The following TET1 variants were observed in gnomAD, a reference collection of about 807,000 sequenced individuals.
The protein encoded by TET1 is tet methylcytosine dioxygenase 1.
Under a neutral mutation model 148.7 loss-of-function variants are expected in TET1, and 13 were observed. The ratio of observed to expected loss-of-function variants is 0.09; its 90% CI spans 0.06 to 0.14. The LOEUF (loss-of-function observed/expected upper bound fraction) is 0.14, where lower values mean the gene tolerates loss of function less well. Among genes scored for constraint, TET1 ranks in the 10% least tolerant of loss-of-function variants. The pLI is 1.00. For synonymous variants in TET1, 907 were observed against 937.2 expected (o/e 0.97, Z 0.59); for missense variants, 2,182 against 2,553.8 (o/e 0.85, Z 3.14).
intron 3 of TET1, among the ~76,000 whole-genome samples, chr10:68,605,931 G>T (rs542022730): frequency 6.6e-6 from 1 of 152,174 alleles, no homozygotes; most frequent in African/African-American, 2.4e-5. Context: ...TTGCCGTGCT[G>T]CCCAGGCTGG....
chr10:68,594,115 G>A (rs185701296), intron 2 of TET1, among the ~76,000 whole-genome samples: 6 of 149,428 alleles, frequency 4.0e-5, no homozygotes, highest in African/African-American at 1.2e-4. Context: ...TAGTAAAGAC[G>A]GGGTTCCACC....
At position 68,680,054 on chromosome 10, in the gene TET1, A is replaced by AT. The variant is rs35378589; in HGVS notation, c.4825-1337dup. ...ACAAATCTATGAATGGATCCTATGG[A>AT]TTTTTTTTGTGTAATCAAGTCAATA... On this transcript the variant is annotated intron_variant, in intron 8 of 11. Transcript: ENST00000373644. Among the ~76,000 whole-genome samples the AT allele has an allele frequency of 1.3e-3, 194 of 152,128 alleles. 1 individual carries two copies. Among genetic ancestry groups the AT allele is most frequent in the African/African-American group, 4.3e-3 (180 of 41,514 alleles).
chr10:68,563,337 C>T (rs1402996443), intron 1 of TET1, among the ~76,000 whole-genome samples: 1 of 152,214 alleles, frequency 6.6e-6, no homozygotes, highest in Non-Finnish European at 1.5e-5. Flanking sequence ...CTCTTCCTTT[C>T]GAGGTAGAAC....
intron 3 of TET1, among the ~76,000 whole-genome samples, chr10:68,603,586 C>T (rs1031188809): frequency 1.3e-5 from 2 of 152,024 alleles, no homozygotes; most frequent in Admixed American, 6.6e-5. Flanking sequence ...GCCTGCAAAA[C>T]CTAGCAAAAT....
In TET1 at chr10:68,644,925, A is replaced by T; in HGVS notation, c.2196A>T (p.Glu732Asp). 6.2e-7 allele frequency: 1 copy of T among 1,611,978 alleles called. No homozygotes were observed. Among genetic ancestry groups the T allele is most frequent in the Non-Finnish European group, 8.5e-7 (1 of 1,179,378 alleles). The change falls in exon 4 of 12, where the codon GAA becomes GAT. Residue 732 changes from glutamate to aspartate, a missense_variant. Coordinates refer to ENST00000373644, the MANE Select transcript of TET1 (RefSeq NM_030625.3). ...VKGDFSANVP[E>D]AEKSKNSEVD... ...GAGATTTTAGTGCTAATGTCCCAGA[A>T]GCTGAAAAATCGAAAAACTCTGAAG...
At chr10:68,567,886 T>C (rs2053624857) in intron 1 of TET1, among the ~76,000 whole-genome samples, 1 of 152,098 alleles carries the variant, frequency 6.6e-6, no homozygotes, top group African/African-American at 2.4e-5. Flanking sequence ...ACCGTTTTCC[T>C]ACACCATGAG....
chr10:68,579,620 T>C (rs994612080), intron 2 of TET1, among the ~76,000 whole-genome samples: 2 of 152,248 alleles, frequency 1.3e-5, no homozygotes, highest in African/African-American at 4.8e-5. Context: ...CCTATCTAAC[T>C]ACATGTAGTG....
intron 11 of TET1, among the ~76,000 whole-genome samples, chr10:68,689,173 T>C (rs2055557336): frequency 1.3e-5 from 2 of 152,188 alleles, no homozygotes; most frequent in African/African-American, 4.8e-5. Context: ...CTGATAACAA[T>C]AGAGGTTTCC....
At chr10:68,651,530 G>C (rs866906084) in intron 4 of TET1, among the ~76,000 whole-genome samples, 1 of 151,446 alleles carries the variant, frequency 6.6e-6, no homozygotes, top group African/African-American at 2.4e-5. Context: ...ATAACTTTTA[G>C]TATTACACCT....
intron 7 of TET1, 30 bp downstream of exon 7, chr10:68,667,286 C>A: frequency 6.4e-7 from 1 of 1,559,506 alleles, no homozygotes; most frequent in South Asian, 1.2e-5. Context: ...ACTGCCTTAC[C>A]ATTCAGATCT....
chr10:68,632,583 G>A, intron 3 of TET1: 1 of 1,598,174 alleles, frequency 6.3e-7, no homozygotes. Flanking sequence ...TGGTGACTTT[G>A]GGATGCTGGT....
At chr10:68,657,304 G>A (rs2055038281) in intron 6 of TET1, among the ~76,000 whole-genome samples, 1 of 152,052 alleles carries the variant, frequency 6.6e-6, no homozygotes, top group South Asian at 2.1e-4. Flanking sequence ...AGCCTCCCGA[G>A]TAGCTAGGAC....
At chr10:68,662,019 G>C (rs1483525521) in intron 6 of TET1, among the ~76,000 whole-genome samples, 1 of 151,774 alleles carries the variant, frequency 6.6e-6, no homozygotes, top group East Asian at 1.9e-4. Context: ...GGAACTACAA[G>C]TTGCACCACC....
chr10:68,691,160 G>A lies in TET1; in HGVS notation c.5757G>A (p.Glu1919=), dbSNP rs749405322. Residue 1919 remains glutamate (E), a synonymous_variant, in exon 12 of 12, where the codon GAG becomes GAA. Coordinates refer to ENST00000373644, the MANE Select transcript of TET1 (RefSeq NM_030625.3). The surrounding 1 kb of genome is among the most constrained non-coding windows in gnomAD (Gnocchi z 4.4). The part of the protein sequence containing the change: ...PLPTLSAPVM[E]PLINSEPSTG... ...CCACCCTGTCTGCTCCTGTGATGGA[G>A]CCCCTCATTAATTCTGAGCCTTCCA... 9 of 1,614,034 alleles carry A rather than the reference G, an allele frequency of 5.6e-6. No individual in the cohort carries two copies. Among genetic ancestry groups the A allele is most frequent in the Non-Finnish European group, 7.6e-6 (9 of 1,180,044 alleles).
intron 8 of TET1, among the ~76,000 whole-genome samples, chr10:68,676,595 C>T (rs537766683): frequency 4.6e-5 from 7 of 150,710 alleles, no homozygotes; most frequent in East Asian, 2.0e-4. Context: ...ATTTTTTTTT[C>T]GTAGAGATGG....
chr10:68,610,367 T>C (rs1424711333), intron 3 of TET1, among the ~76,000 whole-genome samples: 1 of 151,370 alleles, frequency 6.6e-6, no homozygotes, highest in Non-Finnish European at 1.5e-5. Context: ...GTGGATCACT[T>C]GAGGTCAGGA....
intron 8 of TET1, among the ~76,000 whole-genome samples, chr10:68,679,564 A>G (rs1486760735): frequency 6.6e-6 from 1 of 152,226 alleles, no homozygotes; most frequent in African/African-American, 2.4e-5. Context: ...GAAGATATAA[A>G]TAGAATTGTT....
intron 1 of TET1, 48 bp downstream of exon 1, chr10:68,560,790 C>G (rs1272846861): frequency 2.0e-5 from 3 of 152,684 alleles, no homozygotes; most frequent in Admixed American, 2.0e-4. Context: ...AGCGAGGACT[C>G]CGACGCCGAG....
chr10:68,639,107 T>C (rs1383410104), intron 3 of TET1, among the ~76,000 whole-genome samples: 1 of 152,132 alleles, frequency 6.6e-6, no homozygotes, highest in Non-Finnish European at 1.5e-5. Flanking sequence ...TTAAGCTCAT[T>C]AATTAATGTG....
Sources: gnomAD v4.1 joint callset for allele counts (sites outside exome capture counted in the v4.1 genomes callset) on GRCh38, gnomAD v4.1.1 for gene constraint, Gnocchi (gnomAD v3.1) non-coding constraint, MANE v1.5 for transcripts, NCBI Gene and HGNC (gene_info 2026-07-23, HGNC 2026-07-21) for gene names.